The following TUBGCP2 variants were observed in gnomAD, a reference collection of about 807,000 sequenced individuals.
TUBGCP2 encodes tubulin gamma complex component 2.
Under a neutral mutation model 92.2 loss-of-function variants are expected in TUBGCP2, and 55 were observed. The ratio of observed to expected loss-of-function variants is 0.60; its 90% CI spans 0.48 to 0.75. The LOEUF (loss-of-function observed/expected upper bound fraction) is 0.75, where lower values mean the gene tolerates loss of function less well. Among genes scored for constraint, TUBGCP2 ranks in the 30% least tolerant of loss-of-function variants. The probability of loss-of-function intolerance (pLI) is 0.00; values close to 1 mark genes in which losing one functional copy is unlikely to be tolerated. For missense variants in TUBGCP2, 1,093 were observed against 1,188.9 expected, an observed-to-expected ratio of 0.92 and a Z score of 1.19; for synonymous variants, 533 against 505.2, an observed-to-expected ratio of 1.06 and a Z score of -0.74.
In TUBGCP2 at chr10:133,292,601, T is replaced by A. The variant is rs751351983; in HGVS notation, c.1112A>T (p.Gln371Leu). 3 of 1,614,202 alleles carry A rather than the reference T, an allele frequency of 1.9e-6. No individual in the cohort carries two copies. Among genetic ancestry groups the A allele is most frequent in the Admixed American group, 1.7e-5 (1 of 60,016 alleles). The change falls in exon 8 of 18, where the codon CAG becomes CTG. Residue 371 changes from glutamine (Q) to leucine (L), a missense_variant. Gln to Leu is a moderately radical substitution (Grantham distance 113). Transcript: ENST00000252936. ...TAGGTACAGGCATAGCTCCTGCGCC[T>A]GGCTGTCCCCTGTGTAGCTGAAGCT... is the stretch of plus-strand genomic sequence containing the variant. ...DRSFSYTGDS[Q>L]AQELCLYLTK... is the part of the protein sequence containing the mutation.
intron 1 of TUBGCP2, among the ~76,000 whole-genome samples, chr10:133,305,939 C>G (rs1847806759): frequency 6.6e-6 from 1 of 152,226 alleles, no homozygotes. Flanking sequence ...AACAAGGACA[C>G]GTCCTCTCCA....
chr10:133,300,263 T>A (rs1437635054), intron 2 of TUBGCP2, 150 bp from the exon 3 acceptor site: 6 of 937,420 alleles, frequency 6.4e-6, no homozygotes, highest in Non-Finnish European at 9.3e-6. Flanking sequence ...ACAAAACTCA[T>A]CTCCATATTG....
intron 2 of TUBGCP2, chr10:133,302,267 A>G: frequency 6.0e-6 from 1 of 165,312 alleles, no homozygotes; most frequent in Admixed American, 5.9e-5. Context: ...AGGAACGGGC[A>G]CTCACCCTGC....
intron 5 of TUBGCP2, 110 bp downstream of exon 5, chr10:133,297,842 T>C (rs1288383695): frequency 1.3e-6 from 2 of 1,493,864 alleles, no homozygotes; most frequent in African/African-American, 1.4e-5. Flanking sequence ...GCCTGCAAAG[T>C]GTCCTGCCCA....
chr10:133,289,738 G>C (rs1375449762), intron 9 of TUBGCP2, 86 bp downstream of exon 9: 10 of 1,406,144 alleles, frequency 7.1e-6, no homozygotes, highest in Non-Finnish European at 9.5e-6. Flanking sequence ...TGAGGCACAG[G>C]CTCCCGGTGG....
intron 5 of TUBGCP2, 67 bp downstream of exon 5, chr10:133,297,885 G>A (rs1197949877): frequency 8.8e-6 from 14 of 1,586,562 alleles, no homozygotes; most frequent in African/African-American, 8.1e-5. Context: ...CATACCTATC[G>A]GCAGAGCCCG....
chr10:133,303,401 G>A (rs1325937006), intron 1 of TUBGCP2, among the ~76,000 whole-genome samples: 1 of 152,236 alleles, frequency 6.6e-6, no homozygotes, highest in Admixed American at 6.5e-5. Flanking sequence ...AGCCCCGTGG[G>A]CAGCATGAAT....
intron 4 of TUBGCP2, among the ~76,000 whole-genome samples, chr10:133,298,813 C>T (rs1399232779): frequency 1.3e-5 from 2 of 152,236 alleles, no homozygotes; most frequent in Admixed American, 1.3e-4. Context: ...ACGTGCCCAG[C>T]AAGAACCGGC....
intron 11 of TUBGCP2, among the ~76,000 whole-genome samples, chr10:133,286,502 C>T (rs1203424022): frequency 6.6e-6 from 1 of 152,184 alleles, no homozygotes; most frequent in East Asian, 1.9e-4. Context: ...GCCGGACAGA[C>T]GATCAGTGAG....
intron 1 of TUBGCP2, among the ~76,000 whole-genome samples, chr10:133,305,538 A>G (rs2136142860): frequency 6.6e-6 from 1 of 152,088 alleles, no homozygotes; most frequent in South Asian, 2.1e-4. Context: ...TTATTTTTAC[A>G]ATCTCTCATC....
rs770671446 is a variant in TUBGCP2, at chr10:133,285,515, G to A, written c.1836C>T (p.Gly612=). 1.1e-5 allele frequency: 18 copies of A among 1,606,812 alleles called. No individual in the cohort carries two copies. The Admixed American group carries it at 3.0e-4, about 27-fold the overall frequency. ...HADPTELALS[G]LEAFSFDYIV... is the part of the protein sequence containing the mutation. ...TGTAGTCGAAAGAGAAGGCCTCCAG[G>A]CCGCTCAGCGCCAGCTCCGTGGGGT... is the stretch of plus-strand genomic sequence containing the variant. Residue 612 remains glycine, a synonymous_variant, in exon 12 of 18, where the codon GGC becomes GGT. Coordinates refer to ENST00000252936, the MANE Select transcript of TUBGCP2 (RefSeq NM_006659.4). The surrounding 1 kb of genome is among the most constrained non-coding windows in gnomAD (Gnocchi z 6.8).
In TUBGCP2 at chr10:133,285,277, T is replaced by G. The variant is rs1275746024; in HGVS notation, c.1896-64A>C. On this transcript the variant is annotated intron_variant, in intron 12 of 17. Coordinates refer to ENST00000252936, the MANE Select transcript of TUBGCP2 (RefSeq NM_006659.4). This position sits in a 1 kb window ranked among gnomAD's most constrained non-coding sequence, Gnocchi z 6.8. ...GACCGGCGGCGTCGTGGACACGGCG[T>G]CTGTACTCCACAGTCCGCACCGTGG... 5 of 1,604,590 alleles carry G rather than the reference T, an allele frequency of 3.1e-6. No homozygotes were observed. The Admixed American group carries it at 5.0e-5, about 16-fold the overall frequency.
chr10:133,282,968 C>G lies in TUBGCP2; in HGVS notation c.2289+110G>C, dbSNP rs951869727. On this transcript the variant is annotated intron_variant, in intron 15 of 17. Transcript: ENST00000252936. ...AAACACTCAGATCCCAGCGGCTCCT[C>G]CACGAACACAAGGGCAGGAAAACGT... 7.6e-6 allele frequency: 11 copies of G among 1,446,110 alleles called. No homozygotes were observed. The African/African-American group carries it at 1.5e-4, about 20-fold the overall frequency. The allele number at this position is 1,446,110 out of a possible 1,614,324, so 89.6% of individuals were successfully genotyped here.
At chr10:133,309,156 G>A, upstream of TUBGCP2, 11 of 1,379,226 alleles carry the variant, frequency 8.0e-6, no homozygotes, top group Non-Finnish European at 1.0e-5. Context: ...ACGGCGGCGA[G>A]GCGGGGCCGG....
At chr10:133,309,732 C>G (rs774927411), upstream of TUBGCP2, 1 of 1,606,646 alleles carries the variant, frequency 6.2e-7, no homozygotes, top group South Asian at 1.1e-5. Flanking sequence ...CAGCTTGGTT[C>G]CTCGCACCGG....
rs887681328 is a variant in TUBGCP2 at position 133,293,060 on chromosome 10, T to C, written c.1003A>G (p.Met335Val). Residue 335 changes from methionine (M) to valine (V), a missense_variant, in exon 7 of 18, where the codon ATG becomes GTG. Physicochemically the swap from Met to Val is conservative, Grantham distance 21. Around this residue, in one of 3 missense-constraint regions of TUBGCP2, gnomAD observed 490 missense variants for 488.5 expected, o/e 1.00. Coordinates refer to ENST00000252936, the MANE Select transcript of TUBGCP2 (RefSeq NM_006659.4). ...GCACCGAGGGAGGCCAGGATGTCCA[T>C]GGTGCGCATGGCTGGCTGGATGTAG... ...WFYIQPAMRT[M>V]DILASLATSV... is the part of the protein sequence containing the mutation. The C allele has an allele frequency of 2.5e-6, 4 of 1,613,308 alleles. No individual in the cohort carries two copies. The highest frequency in any genetic ancestry group is 1.8e-4 in the Middle Eastern group (1 of 5,704).
chr10:133,284,166 G>A (rs544636647), intron 13 of TUBGCP2, among the ~76,000 whole-genome samples, 164 bp from the exon 14 acceptor site: 76 of 152,290 alleles, frequency 5.0e-4, no homozygotes, highest in African/African-American at 1.3e-3. Flanking sequence ...ACTCACGGCC[G>A]CTGCTCCTGC....
chr10:133,309,386 G>T (rs1171845853), upstream of TUBGCP2: 1 of 1,610,794 alleles, frequency 6.2e-7, no homozygotes, highest in Non-Finnish European at 8.5e-7. Flanking sequence ...CACTTTTCCT[G>T]CAGGATGGGG....
intron 13 of TUBGCP2, among the ~76,000 whole-genome samples, chr10:133,284,856 G>C (rs183365154): frequency 6.6e-6 from 1 of 152,368 alleles, no homozygotes; most frequent in East Asian, 1.9e-4. Context: ...CTGAGGGACA[G>C]AGCCAGCATC....
Sources: allele counts gnomAD v4.1 joint callset (sites outside exome capture counted in the v4.1 genomes callset), GRCh38; gene constraint gnomAD v4.1.1; regional missense constraint gnomAD v4.1.1; non-coding constraint Gnocchi (gnomAD v3.1); transcripts MANE v1.5; gene names NCBI Gene and HGNC (gene_info 2026-07-23, HGNC 2026-07-21).